Variants in ZYG11B observed in about 807,000 individuals in gnomAD.
The protein encoded by ZYG11B is zyg-11 family member B, cell cycle regulator.
ZYG11B carries 36 observed loss-of-function variants against 82.4 expected under a neutral mutation model. The ratio of observed to expected loss-of-function variants is 0.44; its 90% CI spans 0.33 to 0.58. The LOEUF (loss-of-function observed/expected upper bound fraction) is 0.58. ZYG11B is among the 20% of genes least tolerant of loss of function. The probability of loss-of-function intolerance (pLI) is 0.02; values close to 1 mark genes in which losing one functional copy is unlikely to be tolerated. For synonymous variants in ZYG11B, 303 were observed against 312.8 expected (o/e 0.97, Z 0.33); for missense variants, 552 against 895.6 (o/e 0.62, Z 4.90).
intron 3 of ZYG11B, among the ~76,000 whole-genome samples, chr1:52,775,550 G>A (rs1262074075): frequency 1.3e-5 from 2 of 152,050 alleles, no homozygotes; most frequent in Non-Finnish European, 2.9e-5. Context: ...AATTAGCCAG[G>A]CATGGTGGCA....
chr1:52,809,510 A>G (rs1043344567), intron 10 of ZYG11B, among the ~76,000 whole-genome samples: 3 of 152,070 alleles, frequency 2.0e-5, no homozygotes, highest in Non-Finnish European at 4.4e-5. Context: ...TTAAGACTCT[A>G]CTTTGAATTT....
At chr1:52,733,153 T>G (rs1644348005) in intron 1 of ZYG11B, among the ~76,000 whole-genome samples, 1 of 152,202 alleles carries the variant, frequency 6.6e-6, no homozygotes, top group African/African-American at 2.4e-5. Context: ...TATCTTGCAT[T>G]GAATTTCTGT....
intron 2 of ZYG11B, among the ~76,000 whole-genome samples, chr1:52,765,335 T>A (rs1644673233): frequency 6.6e-6 from 1 of 152,006 alleles, no homozygotes; most frequent in East Asian, 1.9e-4. Context: ...CCTAAGTAGC[T>A]GAGATCACAG....
At chr1:52,785,112 A>G (rs1644902366) in intron 5 of ZYG11B, 59 bp downstream of exon 5, 4 of 1,544,624 alleles carry the variant, frequency 2.6e-6, no homozygotes, top group Non-Finnish European at 3.5e-6. Context: ...CTCATCTCCT[A>G]CAGTTCAGTT....
intron 1 of ZYG11B, among the ~76,000 whole-genome samples, chr1:52,731,235 A>G (rs1257616228): frequency 6.6e-6 from 1 of 151,632 alleles, no homozygotes; most frequent in Non-Finnish European, 1.5e-5. Flanking sequence ...CGATTGTGCC[A>G]CTGCACTCCA....
rs568977824 is a variant in ZYG11B, at chr1:52,789,963, A to G, written c.1270-40A>G. On this transcript the variant is annotated intron_variant, in intron 5 of 13. Coordinates refer to ENST00000294353, the MANE Select transcript of ZYG11B (RefSeq NM_024646.3). The stretch of plus-strand genomic sequence containing the variant: ...ACCATGGTTAAAATATAACAAAGTG[A>G]TATTTTATTTAGGATTTTTTTCTTC... 38 of 1,428,930 alleles carry G rather than the reference A, an allele frequency of 2.7e-5. No individual in the cohort carries two copies. The East Asian group carries it at 8.0e-4, about 30-fold the overall frequency. 88.5% of individuals were successfully genotyped at this position (1,428,930 alleles called of 1,614,324 possible).
In ZYG11B at chr1:52,784,887, C is replaced by T; in HGVS notation, c.1103C>T (p.Thr368Ile). 1.2e-6 allele frequency: 2 copies of T among 1,612,834 alleles called. No homozygotes were observed. Among genetic ancestry groups the T allele is most frequent in the South Asian group, 1.1e-5 (1 of 90,930 alleles). ...ATTTTTTTTTTCCAGCTTGTGGTTA[C>T]TGGGATGAGAAACCACCCTATGAAT... ...TKPEILKLVV[T>I]GMRNHPMNLP... The change falls in exon 5 of 14, where the codon ACT becomes ATT. Residue 368 changes from threonine to isoleucine, a missense_variant. Transcript: ENST00000294353.
intron 3 of ZYG11B, among the ~76,000 whole-genome samples, chr1:52,776,837 A>G (rs1398877105): frequency 1.3e-5 from 2 of 152,204 alleles, no homozygotes; most frequent in South Asian, 2.1e-4. Context: ...ACCCATTTGT[A>G]TATGTGAATA....
intron 1 of ZYG11B, among the ~76,000 whole-genome samples, chr1:52,752,845 A>ATT (rs35055967): frequency 2.2e-4 from 33 of 150,034 alleles, no homozygotes; most frequent in South Asian, 4.2e-4. Flanking sequence ...AATTCGGACC[A>ATT]TTTTTTTTTT....
chr1:52,729,907 A>G (rs1192266660), intron 1 of ZYG11B, among the ~76,000 whole-genome samples: 1 of 152,150 alleles, frequency 6.6e-6, no homozygotes, highest in African/African-American at 2.4e-5. Context: ...TCCCAGGCTC[A>G]AGCGATCCTC....
chr1:52,726,555 G>C lies in ZYG11B; in HGVS notation c.-99G>C. The C allele has an allele frequency of 8.2e-7, 1 of 1,226,682 alleles. No individual in the cohort carries two copies. Among genetic ancestry groups the C allele is most frequent in the Non-Finnish European group, 1.0e-6 (1 of 955,544 alleles). The allele number at this position is 1,226,682 out of a possible 1,614,324, so 76.0% of individuals were successfully genotyped here. On this transcript the variant is annotated 5_prime_UTR_variant, in exon 1 of 14. Transcript: ENST00000294353. The stretch of plus-strand genomic sequence containing the variant: ...AGAGGCCGAGGCCTGGGCCAAGCCC[G>C]GAGCCGCCGCTCGCCGGAGCCTCCT...
At chr1:52,784,588 A>G (rs1388862490) in intron 4 of ZYG11B, among the ~76,000 whole-genome samples, 1 of 152,178 alleles carries the variant, frequency 6.6e-6, no homozygotes, top group Non-Finnish European at 1.5e-5. Flanking sequence ...CCTTCCATAT[A>G]ACAGGCACCA....
At chr1:52,731,917 C>A (rs1007394385) in intron 1 of ZYG11B, among the ~76,000 whole-genome samples, 6 of 152,188 alleles carry the variant, frequency 3.9e-5, no homozygotes, top group African/African-American at 1.4e-4. Context: ...ATCCTCCCGC[C>A]TCATCCAACT....
At chr1:52,780,820 T>G (rs1644849768) in intron 4 of ZYG11B, among the ~76,000 whole-genome samples, 1 of 152,128 alleles carries the variant, frequency 6.6e-6, no homozygotes, top group Admixed American at 6.5e-5. Context: ...ATTTCTTAAT[T>G]TTATTGAATG....
intron 2 of ZYG11B, among the ~76,000 whole-genome samples, chr1:52,759,518 C>T (rs1363021730): frequency 1.3e-5 from 2 of 152,188 alleles, no homozygotes; most frequent in Non-Finnish European, 2.9e-5. Flanking sequence ...TTTTCTACCT[C>T]TTCTTTTCAG....
At position 52,783,997 on chromosome 1, in the gene ZYG11B, T is replaced by TATAGAGAG. The variant is rs543071878; in HGVS notation, c.1093-879_1093-878insTAGAGAGA. 1.0e-2 allele frequency among the ~76,000 whole-genome samples: 1,419 copies of TATAGAGAG among 142,416 alleles called. 26 individuals carry two copies. Among genetic ancestry groups the TATAGAGAG allele is most frequent in the African/African-American group, 0.037 (1,342 of 36,524 alleles). The allele number at this position is 142,416 out of a possible 152,430, so 93.4% of individuals were successfully genotyped here. A position where few individuals can be genotyped will look rare whatever the true frequency, so the allele number is the denominator to read the frequency against. ...ACACACACACACACATATATATATATAGAGAGAGAGAGAGATGGAGTTTCA... is the reference window on the plus strand; with the variant it reads ...ACACACACACACACATATATATATATATAGAGAGAGAGAGAGAGAGAGATGGAGTTTCA... On this transcript the variant is annotated intron_variant, in intron 4 of 13. Transcript: ENST00000294353.
chr1:52,737,632 G>T (rs949831745), intron 1 of ZYG11B, among the ~76,000 whole-genome samples: 65 of 152,222 alleles, frequency 4.3e-4, no homozygotes, highest in Admixed American at 4.0e-3. Flanking sequence ...TGTGCGTGGT[G>T]GCATGCCTGT....
intron 10 of ZYG11B, chr1:52,805,382 A>C: frequency 2.3e-6 from 1 of 438,106 alleles, no homozygotes; most frequent in Non-Finnish European, 4.6e-6. Context: ...TGTAGCCTTC[A>C]TTATATAAGG....
rs1644285473 is a variant in ZYG11B at position 52,726,537 on chromosome 1, G to C, written c.-117G>C. 2 of 1,010,320 alleles carry C rather than the reference G, an allele frequency of 2.0e-6. No homozygotes were observed. Among genetic ancestry groups the C allele is most frequent in the Admixed American group, 8.7e-5 (2 of 23,082 alleles). 62.6% of individuals were successfully genotyped at this position (1,010,320 alleles called of 1,614,324 possible). A position where few individuals can be genotyped will look rare whatever the true frequency, so the allele number is the denominator to read the frequency against. The stretch of plus-strand genomic sequence containing the variant: ...GCTCCTAGCTTGAGGGAAAGAGGCC[G>C]AGGCCTGGGCCAAGCCCGGAGCCGC... On this transcript the variant is annotated 5_prime_UTR_variant, in exon 1 of 14. Coordinates refer to ENST00000294353, the MANE Select transcript of ZYG11B (RefSeq NM_024646.3).
Sources: allele counts gnomAD v4.1 joint callset (sites outside exome capture counted in the v4.1 genomes callset), GRCh38; gene constraint gnomAD v4.1.1; transcripts MANE v1.5; gene names NCBI Gene and HGNC (gene_info 2026-07-23, HGNC 2026-07-21).